Variants in ALDH1A2 observed in about 807,000 individuals in gnomAD.
ALDH1A2 encodes retinal dehydrogenase 2.
A neutral mutation model predicts 60.3 loss-of-function variants in ALDH1A2; 27 were observed. The ratio of observed to expected loss-of-function variants is 0.45; its 90% CI spans 0.33 to 0.62. The LOEUF (loss-of-function observed/expected upper bound fraction) is 0.62. Ranked by LOEUF, ALDH1A2 falls within the 20% of genes least tolerant of loss-of-function variation. The pLI is 0.02. For synonymous variants in ALDH1A2, 289 were observed against 232.4 expected (o/e 1.24, Z -2.21); for missense variants, 581 against 643.8 (o/e 0.90, Z 1.06).
intron 3 of ALDH1A2, 152 bp from the exon 4 acceptor site, chr15:58,010,930 C>A: frequency 2.8e-6 from 3 of 1,062,958 alleles, no homozygotes; most frequent in East Asian, 5.3e-5. Flanking sequence ...AAAAAGATTT[C>A]TAGTACTGCC....
intron 1 of ALDH1A2, among the ~76,000 whole-genome samples, chr15:58,053,207 C>A (rs1463677266): frequency 6.6e-6 from 1 of 152,050 alleles, no homozygotes; most frequent in Non-Finnish European, 1.5e-5. Context: ...TCGAAATAAA[C>A]CTAAAATGCC....
At chr15:58,027,001 G>C (rs531460944) in intron 1 of ALDH1A2, among the ~76,000 whole-genome samples, 1 of 152,160 alleles carries the variant, frequency 6.6e-6, no homozygotes, top group Non-Finnish European at 1.5e-5. Flanking sequence ...CCTGAAGACA[G>C]GGACAGCTCT....
intron 1 of ALDH1A2, among the ~76,000 whole-genome samples, chr15:58,024,106 CA>C (rs2140530684): frequency 6.6e-6 from 1 of 151,862 alleles, no homozygotes; most frequent in East Asian, 1.9e-4. Context: ...AAAAAATGCT[CA>C]AAATATTAAC....
At chr15:58,033,829 C>G (rs1242676450) in intron 1 of ALDH1A2, among the ~76,000 whole-genome samples, 2 of 146,094 alleles carry the variant, frequency 1.4e-5, no homozygotes, top group African/African-American at 5.0e-5. Flanking sequence ...GTTCTCTTCT[C>G]TATTTCACTT....
intron 7 of ALDH1A2, among the ~76,000 whole-genome samples, chr15:57,973,424 G>A (rs1894136404): frequency 1.3e-5 from 2 of 152,116 alleles, no homozygotes; most frequent in Non-Finnish European, 2.9e-5. Context: ...ACTTTGTAAT[G>A]TACCAATAGG....
intron 5 of ALDH1A2, 54 bp downstream of exon 5, chr15:57,995,021 CTTT>C: frequency 6.7e-7 from 1 of 1,499,448 alleles, no homozygotes; most frequent in African/African-American, 1.4e-5. Context: ...TTTTATGTGT[CTTT>C]AAGAGAACTG....
At chr15:57,981,278 A>G (rs1375159873) in intron 7 of ALDH1A2, among the ~76,000 whole-genome samples, 8 of 146,326 alleles carry the variant, frequency 5.5e-5, no homozygotes, top group Non-Finnish European at 1.1e-4. Flanking sequence ...AAGAAGTGAA[A>G]TAGAAGAGCA....
chr15:58,060,903 G>T (rs1278758111), intron 1 of ALDH1A2, among the ~76,000 whole-genome samples: 1 of 152,142 alleles, frequency 6.6e-6, no homozygotes, highest in Non-Finnish European at 1.5e-5. Context: ...TGGGTGATGG[G>T]ACTTGGGATA....
At chr15:58,001,698 T>A (rs1895278513) in intron 4 of ALDH1A2, among the ~76,000 whole-genome samples, 1 of 151,930 alleles carries the variant, frequency 6.6e-6, no homozygotes, top group South Asian at 2.1e-4. Flanking sequence ...TTCCTTCATT[T>A]CTCTAGCTTT....
At chr15:58,025,799 G>A (rs1896063677) in intron 1 of ALDH1A2, among the ~76,000 whole-genome samples, 1 of 152,228 alleles carries the variant, frequency 6.6e-6, no homozygotes, top group Non-Finnish European at 1.5e-5. Flanking sequence ...AGAATGTGAA[G>A]GGGAAGCAGG....
chr15:57,979,858 C>T (rs1387272354), intron 7 of ALDH1A2: 2 of 315,480 alleles, frequency 6.3e-6, no homozygotes, highest in Admixed American at 3.2e-5. Flanking sequence ...CTGGCCCAGG[C>T]CAAAGACCTG....
chr15:58,062,807 T>C lies in ALDH1A2; in HGVS notation c.117+2727A>G, dbSNP rs151152309. Among the ~76,000 whole-genome samples the C allele has an allele frequency of 2.3e-3, 347 of 152,344 alleles. 1 individual carries two copies. The highest frequency in any genetic ancestry group is 7.7e-3 in the African/African-American group (319 of 41,578). On this transcript the variant is annotated intron_variant, in intron 1 of 12. Transcript: ENST00000249750. ...CCAAAAATGGTATTGCCATTGATCA[T>C]TGGTATAATATGGATACTAGAATTT... is the stretch of plus-strand genomic sequence containing the variant.
intron 1 of ALDH1A2, chr15:58,036,858 C>T (rs1896389509): frequency 6.6e-6 from 1 of 151,588 alleles, no homozygotes; most frequent in Admixed American, 6.6e-5. Flanking sequence ...GTTAGAATAA[C>T]ACTTTGGGGA....
chr15:57,962,027 C>T lies in ALDH1A2; in HGVS notation c.1236G>A (p.Arg412=). The change falls in exon 10 of 13, where the codon CGG becomes CGA. Residue 412 remains arginine (R), a synonymous_variant. Transcript: ENST00000249750. ...TATTTGATACCTCCTCCTTGGCAAT[C>T]CGCATATCATCAGTGACGTTGGAAA... is the stretch of plus-strand genomic sequence containing the variant. The part of the protein sequence containing the change: ...TVFSNVTDDM[R]IAKEEIFGPV... The T allele has an allele frequency of 6.2e-7, 1 of 1,614,152 alleles. No individual in the cohort carries two copies. The highest frequency in any genetic ancestry group is 8.5e-7 in the Non-Finnish European group (1 of 1,180,006).
intron 4 of ALDH1A2, among the ~76,000 whole-genome samples, chr15:57,995,413 G>C (rs188321672): frequency 6.6e-6 from 1 of 151,936 alleles, no homozygotes; most frequent in East Asian, 1.9e-4. Flanking sequence ...AAGTCCTCAG[G>C]GTGGCAGAGG....
At chr15:57,966,355 T>C (rs73422173) in intron 7 of ALDH1A2, among the ~76,000 whole-genome samples, 2,025 of 152,324 alleles carry the variant, frequency 0.013, 45 homozygotes, top group African/African-American at 0.046. Context: ...CAGTTGAGAA[T>C]CTCTCTTTTT....
intron 7 of ALDH1A2, among the ~76,000 whole-genome samples, chr15:57,974,577 C>CATCT (rs1400053135): frequency 6.6e-6 from 1 of 151,238 alleles, no homozygotes; most frequent in East Asian, 2.0e-4. Flanking sequence ...TGTCATTATC[C>CATCT]ATCTATCTAG....
At chr15:57,988,951 G>C (rs1427906850) in intron 7 of ALDH1A2, among the ~76,000 whole-genome samples, 1 of 152,150 alleles carries the variant, frequency 6.6e-6, no homozygotes, top group Non-Finnish European at 1.5e-5. Flanking sequence ...GGTGGATCAT[G>C]AGGTCAGGAG....
intron 7 of ALDH1A2, among the ~76,000 whole-genome samples, chr15:57,985,382 G>C (rs1254000572): frequency 6.6e-6 from 1 of 152,074 alleles, no homozygotes; most frequent in African/African-American, 2.4e-5. Flanking sequence ...CTCCCTTCTT[G>C]AGATGCTGAT....
Sources: gnomAD v4.1 joint callset for allele counts (sites outside exome capture counted in the v4.1 genomes callset) on GRCh38, gnomAD v4.1.1 for gene constraint, MANE v1.5 for transcripts, NCBI Gene and HGNC (gene_info 2026-07-23, HGNC 2026-07-21) for gene names.